Variants in MYCBP2 observed in about 807,000 individuals in gnomAD.
MYCBP2 encodes E3 ubiquitin-protein ligase MYCBP2.
A neutral mutation model predicts 525.3 loss-of-function variants in MYCBP2; 120 were observed. The observed-to-expected ratio is 0.23, with a 90% CI of 0.20 to 0.27. MYCBP2 has a LOEUF of 0.27. MYCBP2 is among the 10% of genes least tolerant of loss of function. The pLI is 1.00. For missense variants in MYCBP2, 4,149 were observed against 5,657.1 expected (o/e 0.73, Z 8.55); for synonymous variants, 1,894 against 1,955.8 (o/e 0.97, Z 0.83).
chr13:77,188,050 G>A (rs926060443), intron 30 of MYCBP2, among the ~76,000 whole-genome samples: 8 of 137,342 alleles, frequency 5.8e-5, no homozygotes, highest in Non-Finnish European at 1.2e-4. Flanking sequence ...CAGCCTGGGC[G>A]ACAGAGCGAG....
At chr13:77,207,448 G>A (rs185365011) in intron 23 of MYCBP2, among the ~76,000 whole-genome samples, 3 of 152,032 alleles carry the variant, frequency 2.0e-5, no homozygotes, top group East Asian at 1.9e-4. Flanking sequence ...TTTAGGGGTC[G>A]GGAAGTGAGG....
chr13:77,161,245 T>G (rs779071753), intron 44 of MYCBP2, among the ~76,000 whole-genome samples: 2 of 152,208 alleles, frequency 1.3e-5, no homozygotes, highest in African/African-American at 4.8e-5. Flanking sequence ...AAGAAAACAA[T>G]GTAGTCATCT....
In MYCBP2 at chr13:77,205,492, A is replaced by G. The variant is rs778943254; in HGVS notation, c.3696T>C (p.Ser1232=). ...VMKVYSKEDY[S]VVNRFESHGG... is the part of the protein sequence containing the mutation. ...ACATACTTTCAAACCTGTTTACCAC[A>G]CTATAATCTTCTTTAGAATAAACCT... The change falls in exon 25 of 83, where the codon AGT becomes AGC. Residue 1232 remains serine, a synonymous_variant. Transcript: ENST00000544440. 10 of 1,613,314 alleles carry G rather than the reference A, an allele frequency of 6.2e-6. No homozygotes were observed. Among genetic ancestry groups the G allele is most frequent in the Non-Finnish European group, 8.5e-6 (10 of 1,179,694 alleles).
intron 43 of MYCBP2, among the ~76,000 whole-genome samples, chr13:77,162,713 G>C (rs1457748508): frequency 6.6e-6 from 1 of 152,108 alleles, no homozygotes; most frequent in Non-Finnish European, 1.5e-5. Flanking sequence ...CTGGAGTGCA[G>C]TGGTGCGATC....
intron 62 of MYCBP2, among the ~76,000 whole-genome samples, chr13:77,086,791 ATT>A (rs920236652): frequency 4.6e-5 from 7 of 152,010 alleles, no homozygotes; most frequent in African/African-American, 1.4e-4. Flanking sequence ...CGAATCCATC[ATT>A]CTCTTATATT....
intron 2 of MYCBP2, among the ~76,000 whole-genome samples, chr13:77,295,290 C>T (rs1435239117): frequency 6.6e-6 from 1 of 152,134 alleles, no homozygotes; most frequent in Non-Finnish European, 1.5e-5. Flanking sequence ...CCCACCACCA[C>T]GCCCAGCTAA....
chr13:77,152,147 G>A (rs1306671724), intron 46 of MYCBP2, among the ~76,000 whole-genome samples: 2 of 152,214 alleles, frequency 1.3e-5, no homozygotes, highest in Non-Finnish European at 2.9e-5. Context: ...GGAATCAGTA[G>A]TTTGAGACTT....
intron 61 of MYCBP2, 132 bp from the exon 62 acceptor site, chr13:77,087,765 G>A (rs2154115052): frequency 1.3e-6 from 1 of 796,312 alleles, no homozygotes; most frequent in Non-Finnish European, 1.9e-6. Context: ...TAAAAAAAAT[G>A]CCTTATAGTT....
intron 32 of MYCBP2, 43 bp from the exon 33 acceptor site, chr13:77,181,965 C>T: frequency 6.8e-7 from 1 of 1,467,978 alleles, no homozygotes; most frequent in South Asian, 1.2e-5. Flanking sequence ...AAAAATATAG[C>T]ATCAGTATAA....
In MYCBP2 at chr13:77,098,148, T is replaced by C. The variant is rs534617521; in HGVS notation, c.9006A>G (p.Glu3002=). ...CTCCTTTGAAAAGAAAACTCGATTT[T>C]TCTTTTTTGGGCCTGGTGTGTCTAT... is the stretch of plus-strand genomic sequence containing the variant. ...CANRHTRPKK[E]KSSFLFKGDG... The change falls in exon 56 of 83, where the codon GAA becomes GAG. Residue 3002 remains glutamate (E), a synonymous_variant. Coordinates refer to ENST00000544440, the MANE Select transcript of MYCBP2 (RefSeq NM_015057.5). 11 of 1,613,732 alleles carry C rather than the reference T, an allele frequency of 6.8e-6. No individual in the cohort carries two copies. In the East Asian group the frequency reaches 2.5e-4, roughly 36 times the overall value.
chr13:77,305,424 G>C (rs1319044373), intron 1 of MYCBP2, among the ~76,000 whole-genome samples: 2 of 152,004 alleles, frequency 1.3e-5, no homozygotes, highest in African/African-American at 4.8e-5. Flanking sequence ...CTAAGTGAAA[G>C]AAACAATGGC....
In MYCBP2 at chr13:77,161,917, C is replaced by T. The variant is rs765854682; in HGVS notation, c.6586G>A (p.Ala2196Thr). 6.2e-7 allele frequency: 1 copy of T among 1,608,470 alleles called. No individual in the cohort carries two copies. ...LEEDLEILEE[A>T]ALQVCKTHSG... ...ATTTGGGACAATACCTGCAATGCAG[C>T]CTCCTCAAGAATTTCAAGGTCTTCT... The change falls in exon 44 of 83, where the codon GCT becomes ACT. Residue 2196 changes from alanine (A) to threonine (T), a missense_variant. By Grantham distance (58) the Ala-to-Thr change is moderately conservative (BLOSUM62 0). Coordinates refer to ENST00000544440, the MANE Select transcript of MYCBP2 (RefSeq NM_015057.5).
intron 63 of MYCBP2, 88 bp downstream of exon 63, chr13:77,082,930 TATCTTACTATTTAA>T (rs2043552681): frequency 8.6e-7 from 1 of 1,156,668 alleles, no homozygotes; most frequent in Admixed American, 2.5e-5. Context: ...GTAGGGATTC[TATCTTACTATTTAA>T]AGAGCTTTTT....
chr13:77,087,416 G>T, intron 62 of MYCBP2, 68 bp downstream of exon 62: 1 of 1,271,256 alleles, frequency 7.9e-7, no homozygotes, highest in Non-Finnish European at 1.1e-6. Flanking sequence ...GCAAATTATT[G>T]GACTATTTGA....
chr13:77,281,002 T>C (rs2076133089), intron 3 of MYCBP2, among the ~76,000 whole-genome samples: 2 of 152,234 alleles, frequency 1.3e-5, no homozygotes, highest in Admixed American at 1.3e-4. Flanking sequence ...TAGCTATGGA[T>C]TATTGCACAG....
intron 50 of MYCBP2, among the ~76,000 whole-genome samples, chr13:77,140,638 G>A (rs1349455532): frequency 1.3e-5 from 2 of 151,972 alleles, no homozygotes; most frequent in African/African-American, 4.8e-5. Flanking sequence ...TTCCACAGCA[G>A]GAAGAATACA....
At chr13:77,119,043 T>C (rs749891594) in intron 55 of MYCBP2, among the ~76,000 whole-genome samples, 2 of 152,220 alleles carry the variant, frequency 1.3e-5, no homozygotes, top group Non-Finnish European at 2.9e-5. Context: ...AAGTTGTTAC[T>C]GCCAAAGAAA....
At chr13:77,293,473 T>G (rs1164081965) in intron 2 of MYCBP2, among the ~76,000 whole-genome samples, 1 of 152,102 alleles carries the variant, frequency 6.6e-6, no homozygotes, top group Non-Finnish European at 1.5e-5. Flanking sequence ...ATGCAACAAA[T>G]ATACAAGGGA....
intron 1 of MYCBP2, among the ~76,000 whole-genome samples, chr13:77,312,722 C>T (rs1555479433): frequency 6.6e-6 from 1 of 151,862 alleles, no homozygotes; most frequent in Non-Finnish European, 1.5e-5. Context: ...AATAAAGTGG[C>T]AGACCTATCA....
Sources: gnomAD v4.1 joint callset for allele counts (sites outside exome capture counted in the v4.1 genomes callset) on GRCh38, gnomAD v4.1.1 for gene constraint, MANE v1.5 for transcripts, NCBI Gene and HGNC (gene_info 2026-07-23, HGNC 2026-07-21) for gene names.